Variants in KDM6A observed in about 807,000 individuals in gnomAD.
KDM6A encodes lysine-specific demethylase 6A.
Under a neutral mutation model 117.6 loss-of-function variants are expected in KDM6A, and 11 were observed. The ratio of observed to expected loss-of-function variants is 0.09; its 90% CI spans 0.06 to 0.15. KDM6A has a LOEUF of 0.15. Among genes scored for constraint, KDM6A ranks in the 10% least tolerant of loss-of-function variants. The pLI, the probability that KDM6A is intolerant of heterozygous loss-of-function variation, is 1.00. For synonymous variants in KDM6A, 384 were observed against 396.1 expected, an observed-to-expected ratio of 0.97 and a Z score of 0.36; for missense variants, 799 against 1,077.3, an observed-to-expected ratio of 0.74 and a Z score of 3.62.
Position 44,996,665 on chromosome X carries a change from A to G in KDM6A, c.385-14296A>G, listed in dbSNP as rs759307659. Among the ~76,000 whole-genome samples the G allele has an allele frequency of 8.1e-5, 9 of 110,820 alleles. No individual in the cohort carries two copies. In the South Asian group the frequency reaches 1.2e-3, roughly 15 times the overall value. ...CCAGAAGGTAATTCAGACTATAATA[A>G]GGAAATGATTCTGTATAAATTGAAT... On this transcript the variant is annotated intron_variant, in intron 4 of 29. Transcript: ENST00000611820.
At chrX:44,930,631 T>G (rs1342947296) in intron 2 of KDM6A, among the ~76,000 whole-genome samples, 1 of 112,176 alleles carries the variant, frequency 8.9e-6, no homozygotes, top group Non-Finnish European at 1.9e-5. Flanking sequence ...TAATTTACTC[T>G]TATTTGGAAT....
At chrX:44,950,596 G>GTC (rs1371058695) in intron 2 of KDM6A, among the ~76,000 whole-genome samples, 1 of 110,608 alleles carries the variant, frequency 9.0e-6, no homozygotes, top group Non-Finnish European at 1.9e-5. Context: ...GTGTGTGTGT[G>GTC]TGTGTGTCTG....
chrX:45,055,672 C>T (rs773487257), intron 10 of KDM6A, among the ~76,000 whole-genome samples: 1 of 111,662 alleles, frequency 9.0e-6, no homozygotes, highest in East Asian at 2.8e-4. Context: ...AGCACTATTA[C>T]TGTTAGTGTT....
intron 6 of KDM6A, among the ~76,000 whole-genome samples, chrX:45,021,183 G>A (rs2042156270): frequency 9.5e-6 from 1 of 105,458 alleles, no homozygotes; most frequent in Admixed American, 9.9e-5. Flanking sequence ...AGAAAAAAGA[G>A]TGTTCTCTGC....
intron 4 of KDM6A, among the ~76,000 whole-genome samples, chrX:44,986,699 G>T (rs2040245969): frequency 8.9e-6 from 1 of 111,922 alleles, no homozygotes; most frequent in African/African-American, 3.2e-5. Context: ...AGGTTGTTCA[G>T]TTTCCATGTA....
chrX:45,110,048 A>T (rs755441440), intron 28 of KDM6A, 31 bp from the exon 29 acceptor site: 1 of 1,167,431 alleles, frequency 8.6e-7, no homozygotes, highest in Admixed American at 2.2e-5. Context: ...CACTATCTCT[A>T]TTGAATACGT....
At chrX:45,020,755 T>TA in intron 6 of KDM6A, 25 bp downstream of exon 6, 1 of 1,202,611 alleles carries the variant, frequency 8.3e-7, no homozygotes, top group Non-Finnish European at 1.1e-6. Flanking sequence ...TTTTTCAAGA[T>TA]ACAATGTTTA....
chrX:45,096,692 A>G (rs1381914096), intron 27 of KDM6A, among the ~76,000 whole-genome samples: 1 of 111,777 alleles, frequency 8.9e-6, no homozygotes, highest in African/African-American at 3.3e-5. Context: ...AATTACTATT[A>G]TTAAAAAGTT....
chrX:45,079,797 C>T (rs996867274), intron 21 of KDM6A, among the ~76,000 whole-genome samples: 1 of 112,342 alleles, frequency 8.9e-6, no homozygotes. Flanking sequence ...CCGCCTACCT[C>T]GGCCTCCCAA....
At chrX:45,019,975 A>G (rs1311209055) in intron 5 of KDM6A, among the ~76,000 whole-genome samples, 1 of 111,407 alleles carries the variant, frequency 9.0e-6, no homozygotes, top group African/African-American at 3.3e-5. Flanking sequence ...GCGGAATGGA[A>G]TAGAGAAGTA....
chrX:44,924,648 G>GGTGTGTGTGTGTGTGTGT (rs112587323), intron 2 of KDM6A, among the ~76,000 whole-genome samples: 4 of 90,456 alleles, frequency 4.4e-5, no homozygotes, highest in African/African-American at 1.6e-4. Context: ...GGTGGTCCTG[G>GGTGTGTGTGTGTGTGTGT]GTGTGTGTGT....
intron 27 of KDM6A, among the ~76,000 whole-genome samples, chrX:45,092,582 A>G (rs370646610): frequency 8.9e-6 from 1 of 112,053 alleles, no homozygotes; most frequent in African/African-American, 3.2e-5. Flanking sequence ...TCTATGCCAG[A>G]CACTGTTCTA....
Position 45,035,000 on chromosome X carries a change from G to T in KDM6A, c.619+15G>T, listed in dbSNP as rs1360542999. ...CAATGCTGAAAGTAAGTATTATTAA[G>T]TACTGTAGTTTTCTACATGTATTCC... On this transcript the variant is annotated intron_variant, in intron 7 of 29. Transcript: ENST00000611820. The T allele has an allele frequency of 2.7e-6, 3 of 1,124,894 alleles. No homozygotes were observed. Among genetic ancestry groups the T allele is most frequent in the Non-Finnish European group, 2.4e-6 (2 of 816,466 alleles). 92.7% of individuals were successfully genotyped at this position (1,124,894 alleles called of 1,213,427 possible). A position where few individuals can be genotyped will look rare whatever the true frequency, so the allele number is the denominator to read the frequency against.
At chrX:44,980,238 C>T (rs1046549971) in intron 4 of KDM6A, among the ~76,000 whole-genome samples, 4 of 111,342 alleles carry the variant, frequency 3.6e-5, no homozygotes, top group Non-Finnish European at 5.7e-5. Flanking sequence ...TCGTGATCCG[C>T]CTGCCTCGGC....
chrX:44,938,568 G>A (rs888228179), intron 2 of KDM6A, among the ~76,000 whole-genome samples: 11 of 112,425 alleles, frequency 9.8e-5, no homozygotes, highest in Non-Finnish European at 2.1e-4. Context: ...GGTAGCAAGT[G>A]CTAATGGAGA....
chrX:45,000,841 A>T (rs2041108320), intron 4 of KDM6A, among the ~76,000 whole-genome samples: 1 of 112,575 alleles, frequency 8.9e-6, no homozygotes, highest in Non-Finnish European at 1.9e-5. Context: ...CCTGGAAAAG[A>T]GCTACCATGC....
At chrX:44,940,161 T>G (rs2147027680) in intron 2 of KDM6A, among the ~76,000 whole-genome samples, 1 of 111,356 alleles carries the variant, frequency 9.0e-6, no homozygotes, top group African/African-American at 3.3e-5. Flanking sequence ...CAAGCAATTC[T>G]AGTGCCTCAG....
chrX:44,881,605 G>C (rs1461828975), intron 2 of KDM6A, among the ~76,000 whole-genome samples: 1 of 106,050 alleles, frequency 9.4e-6, no homozygotes, highest in African/African-American at 3.4e-5. Flanking sequence ...GTTTACTTCT[G>C]TATATTATTA....
intron 3 of KDM6A, among the ~76,000 whole-genome samples, chrX:44,966,314 G>C (rs369974120): frequency 9.2e-6 from 1 of 109,115 alleles, no homozygotes; most frequent in African/African-American, 3.3e-5. Flanking sequence ...ACTATTTTTT[G>C]TACTTTTTTT....
Sources: allele counts gnomAD v4.1 joint callset (sites outside exome capture counted in the v4.1 genomes callset), GRCh38; gene constraint gnomAD v4.1.1; transcripts MANE v1.5; gene names NCBI Gene and HGNC (gene_info 2026-07-23, HGNC 2026-07-21).